The following NELL1 variants were observed in gnomAD, a reference collection of about 807,000 sequenced individuals.
The protein encoded by NELL1 is protein kinase C-binding protein NELL1.
NELL1 carries 76 observed loss-of-function variants against 107.4 expected under a neutral mutation model. The observed-to-expected ratio is 0.71, with a 90% CI of 0.59 to 0.86. The LOEUF (loss-of-function observed/expected upper bound fraction) is 0.86. NELL1 is among the 40% of genes least tolerant of loss of function. The pLI is 0.00. For missense variants in NELL1, 1,024 were observed against 1,005.5 expected, an observed-to-expected ratio of 1.02 and a Z score of -0.25; for synonymous variants, 353 against 341.2, an observed-to-expected ratio of 1.03 and a Z score of -0.38.
intron 3 of NELL1, among the ~76,000 whole-genome samples, chr11:20,819,975 T>C (rs775332072): frequency 6.6e-6 from 1 of 152,168 alleles, no homozygotes; most frequent in Admixed American, 6.5e-5. Context: ...TTCAGGAGGA[T>C]CTTTAGTAAG....
In NELL1 at chr11:20,991,544, T is replaced by C. The variant is rs572450601; in HGVS notation, c.1300+30984T>C. On this transcript the variant is annotated intron_variant, in intron 12 of 19. Coordinates refer to ENST00000357134, the MANE Select transcript of NELL1 (RefSeq NM_006157.5). ...TCTTGGGCTAGAATTAAAATCCAGA[T>C]TGGTCTGATTCCAAAATTCATTGCT... 4.6e-5 allele frequency among the ~76,000 whole-genome samples: 7 copies of C among 152,234 alleles called. 2 individuals carry two copies. Among genetic ancestry groups the C allele is most frequent in the African/African-American group, 1.4e-4 (6 of 41,548 alleles).
chr11:21,004,947 A>G (rs1286311383), intron 12 of NELL1, among the ~76,000 whole-genome samples: 2 of 152,192 alleles, frequency 1.3e-5, no homozygotes, highest in Non-Finnish European at 2.9e-5. Context: ...GTCTTTTGGA[A>G]GCAAATAATG....
chr11:21,512,053 T>A (rs755022096), intron 15 of NELL1, among the ~76,000 whole-genome samples: 23 of 152,140 alleles, frequency 1.5e-4, no homozygotes, highest in Non-Finnish European at 1.9e-4. Context: ...GTGGCGATGG[T>A]CCTCAAGCCT....
intron 14 of NELL1, among the ~76,000 whole-genome samples, chr11:21,356,179 C>T (rs1442141874): frequency 6.6e-6 from 1 of 152,134 alleles, no homozygotes; most frequent in Non-Finnish European, 1.5e-5. Context: ...AGAATATAAA[C>T]ATTTATTTAT....
chr11:21,206,096 C>CT (rs1325817836), intron 13 of NELL1, among the ~76,000 whole-genome samples: 1 of 152,124 alleles, frequency 6.6e-6, no homozygotes, highest in Non-Finnish European at 1.5e-5. Flanking sequence ...TTGTCATACA[C>CT]TCCATGGCTT....
At chr11:21,105,770 C>G (rs1413513752) in intron 12 of NELL1, among the ~76,000 whole-genome samples, 1 of 140,562 alleles carries the variant, frequency 7.1e-6, no homozygotes, top group East Asian at 2.2e-4. Flanking sequence ...TATATCATTA[C>G]CTCTCCCCTC....
intron 2 of NELL1, among the ~76,000 whole-genome samples, chr11:20,779,390 A>G (rs780848759): frequency 4.6e-5 from 7 of 152,184 alleles, no homozygotes; most frequent in Non-Finnish European, 8.8e-5. Context: ...TATGTTTAGC[A>G]TGTTTCACAG....
intron 14 of NELL1, among the ~76,000 whole-genome samples, chr11:21,332,915 A>G (rs1017996996): frequency 3.9e-5 from 6 of 152,046 alleles, no homozygotes; most frequent in African/African-American, 1.2e-4. Flanking sequence ...TATTTTTGGT[A>G]TAAGTTATAA....
At chr11:21,336,333 G>A (rs536233403) in intron 14 of NELL1, among the ~76,000 whole-genome samples, 3 of 151,842 alleles carry the variant, frequency 2.0e-5, no homozygotes, top group South Asian at 2.1e-4. Flanking sequence ...CTCTCCATAC[G>A]TTTGTACCCA....
intron 12 of NELL1, among the ~76,000 whole-genome samples, chr11:20,991,756 C>T (rs1032464450): frequency 3.9e-5 from 6 of 152,158 alleles, no homozygotes; most frequent in African/African-American, 1.2e-4. Context: ...GCTCTGGGAA[C>T]GATACTCGCT....
chr11:21,212,731 G>A (rs1012356627), intron 13 of NELL1, among the ~76,000 whole-genome samples: 3 of 152,156 alleles, frequency 2.0e-5, no homozygotes, highest in African/African-American at 7.2e-5. Flanking sequence ...CATTGACAAG[G>A]TGGTATAAGG....
intron 12 of NELL1, among the ~76,000 whole-genome samples, chr11:21,064,878 T>C (rs1406447565): frequency 1.3e-5 from 2 of 152,228 alleles, no homozygotes; most frequent in Non-Finnish European, 2.9e-5. Context: ...ATTACCCATT[T>C]AATTCACAAA....
At position 21,113,403 on chromosome 11, in the gene NELL1, A is replaced by G. The variant is rs79503275; in HGVS notation, c.1301-186A>G. 3.9e-5 allele frequency among the ~76,000 whole-genome samples: 6 copies of G among 152,116 alleles called. No individual in the cohort carries two copies. The East Asian group carries it at 1.2e-3, about 30-fold the overall frequency. On this transcript the variant is annotated intron_variant, in intron 12 of 19. Transcript: ENST00000357134. The stretch of plus-strand genomic sequence containing the variant: ...TCTCACCATGCATCGTTCTGGAAAC[A>G]CTTTCAGCTCAGGATGGGATCTAAC...
rs76682945 is a variant in NELL1 at position 21,125,432 on chromosome 11, A to C, written c.1426+11718A>C. 2.0e-3 allele frequency among the ~76,000 whole-genome samples: 305 copies of C among 152,288 alleles called. 2 individuals are homozygous for C. The highest frequency in any genetic ancestry group is 2.7e-3 in the Non-Finnish European group (187 of 68,028). ...TTCTAAATAATCTTTCTTTTGAAAG[A>C]GTTCAGCTTCTTAAAAAAAAAGGAT... is the stretch of plus-strand genomic sequence containing the variant. On this transcript the variant is annotated intron_variant, in intron 13 of 19. Transcript: ENST00000357134.
At chr11:21,439,586 T>C (rs531270649) in intron 15 of NELL1, among the ~76,000 whole-genome samples, 4 of 152,134 alleles carry the variant, frequency 2.6e-5, no homozygotes, top group Non-Finnish European at 5.9e-5. Context: ...GCATACAAAA[T>C]TAATTCATGA....
In NELL1 at chr11:21,568,505, A is replaced by G. The variant is rs375358222; in HGVS notation, c.1981-2259A>G. On this transcript the variant is annotated intron_variant, in intron 17 of 19. Coordinates refer to ENST00000357134, the MANE Select transcript of NELL1 (RefSeq NM_006157.5). ...AGCTTATTGTAACTTTTTACTTTATAAACTTTTTAATTTTTGTAACTTTTT... is the reference window on the plus strand; with the variant it reads ...AGCTTATTGTAACTTTTTACTTTATGAACTTTTTAATTTTTGTAACTTTTT... Among the ~76,000 whole-genome samples, 5 of 151,902 alleles carry G rather than the reference A, an allele frequency of 3.3e-5. No individual in the cohort carries two copies. The East Asian group carries it at 9.8e-4, about 30-fold the overall frequency.
At chr11:21,147,407 T>G (rs1303103288) in intron 13 of NELL1, among the ~76,000 whole-genome samples, 1 of 152,158 alleles carries the variant, frequency 6.6e-6, no homozygotes, top group Admixed American at 6.5e-5. Flanking sequence ...GAATTGTGTT[T>G]AGGGGTTATA....
intron 15 of NELL1, among the ~76,000 whole-genome samples, chr11:21,452,271 C>T (rs1227869978): frequency 2.6e-5 from 4 of 152,074 alleles, no homozygotes; most frequent in African/African-American, 9.7e-5. Flanking sequence ...CATTATCATT[C>T]ACTGTCTGGT....
chr11:21,117,113 T>A (rs1855255566), intron 13 of NELL1, among the ~76,000 whole-genome samples: 1 of 151,954 alleles, frequency 6.6e-6, no homozygotes, highest in Non-Finnish European at 1.5e-5. Flanking sequence ...CTATTGCCCT[T>A]TTATGGAAGT....
Sources: gnomAD v4.1 joint callset for allele counts (sites outside exome capture counted in the v4.1 genomes callset) on GRCh38, gnomAD v4.1.1 for gene constraint, MANE v1.5 for transcripts, NCBI Gene and HGNC (gene_info 2026-07-23, HGNC 2026-07-21) for gene names.